Variants in TFG observed in about 807,000 individuals in gnomAD.
The protein encoded by TFG is trafficking from ER to golgi regulator.
Under a neutral mutation model 51.4 loss-of-function variants are expected in TFG, and 22 were observed. The observed-to-expected ratio is 0.43, with a 90% CI of 0.31 to 0.61. The LOEUF (loss-of-function observed/expected upper bound fraction) is 0.61. Among genes scored for constraint, TFG ranks in the 20% least tolerant of loss-of-function variants. The probability of loss-of-function intolerance (pLI) is 0.12; values close to 1 mark genes in which losing one functional copy is unlikely to be tolerated. For missense variants in TFG, 419 were observed against 487.7 expected (o/e 0.86, Z 1.33); for synonymous variants, 187 against 165.6 (o/e 1.13, Z -0.99).
chr3:100,734,750 TTG>T (rs2095101983), intron 5 of TFG, among the ~76,000 whole-genome samples: 1 of 152,202 alleles, frequency 6.6e-6, no homozygotes, highest in South Asian at 2.1e-4. Context: ...CAAAAGAGAA[TTG>T]TGTGAAAATT....
intron 1 of TFG, among the ~76,000 whole-genome samples, chr3:100,711,502 G>C (rs572477047): frequency 6.6e-6 from 1 of 152,336 alleles, no homozygotes; most frequent in African/African-American, 2.4e-5. Flanking sequence ...TCTTAATTAG[G>C]AGTGTGTCTG....
In TFG at chr3:100,744,825, G is replaced by T. The variant is rs41272979; in HGVS notation, c.722-8G>T. 14,964 of 1,598,458 alleles carry T rather than the reference G, an allele frequency of 9.4e-3. 329 individuals are homozygous for T. Among genetic ancestry groups the T allele is most frequent in the African/African-American group, 0.092 (6,846 of 74,490 alleles). ...TTTTTCCTTGTGTGTGTGTGTGTGT[G>T]TTTTCAGGTCAGATGTACCAACAGT... is the stretch of plus-strand genomic sequence containing the variant. On this transcript the variant is annotated splice_region_variant and splice_polypyrimidine_tract_variant and intron_variant, in intron 6 of 7. Transcript: ENST00000240851.
At chr3:100,712,825 A>C (rs565265876) in intron 1 of TFG, among the ~76,000 whole-genome samples, 2 of 152,322 alleles carry the variant, frequency 1.3e-5, no homozygotes, top group East Asian at 1.9e-4. Context: ...GTTAGGAAAG[A>C]TCTCTCTCAG....
chr3:100,746,534 A>G (rs748798297), intron 7 of TFG, among the ~76,000 whole-genome samples: 23 of 152,022 alleles, frequency 1.5e-4, no homozygotes, highest in Non-Finnish European at 2.9e-5. Context: ...CATAATTTCC[A>G]TATTTCCATT....
In TFG at chr3:100,718,847, C is replaced by T. The variant is rs115126937; in HGVS notation, c.185-1128C>T. Among the ~76,000 whole-genome samples the T allele has an allele frequency of 1.1e-3, 169 of 152,064 alleles. 1 individual carries two copies. Among genetic ancestry groups the T allele is most frequent in the African/African-American group, 3.9e-3 (162 of 41,486 alleles). On this transcript the variant is annotated intron_variant, in intron 2 of 7. Transcript: ENST00000240851. ...TGCTGGGATTACAGGTGTGAGCCAC[C>T]GCACTTGGCCAAAAAGTTTTTGATT...
At chr3:100,736,523 C>G (rs2095106732) in intron 5 of TFG, 53 bp from the exon 6 acceptor site, 1 of 1,584,402 alleles carries the variant, frequency 6.3e-7, no homozygotes, top group Admixed American at 1.7e-5. Context: ...CTTGAGCTTG[C>G]TGGGGGAAGG....
chr3:100,716,134 C>T (rs2095045235), intron 2 of TFG, among the ~76,000 whole-genome samples: 1 of 152,108 alleles, frequency 6.6e-6, no homozygotes, highest in Admixed American at 6.6e-5. Context: ...CTGTAGTCAT[C>T]CTATAGTGCT....
At chr3:100,717,403 G>A (rs1225972048) in intron 2 of TFG, among the ~76,000 whole-genome samples, 1 of 152,042 alleles carries the variant, frequency 6.6e-6, no homozygotes, top group Non-Finnish European at 1.5e-5. Flanking sequence ...ATGTAGTTCT[G>A]TACAAATTTT....
At chr3:100,738,821 T>G (rs2095113675) in intron 6 of TFG, among the ~76,000 whole-genome samples, 1 of 152,224 alleles carries the variant, frequency 6.6e-6, no homozygotes, top group African/African-American at 2.4e-5. Flanking sequence ...GTAGTTTTTC[T>G]ATTTAGCAGC....
At chr3:100,747,990 G>T (rs567336770) in intron 7 of TFG, among the ~76,000 whole-genome samples, 159 bp from the exon 8 acceptor site, 1 of 152,038 alleles carries the variant, frequency 6.6e-6, no homozygotes, top group Non-Finnish European at 1.5e-5. Context: ...TAACTACTTG[G>T]TCTTGAAATA....
At chr3:100,713,925 G>T in intron 2 of TFG, 56 bp downstream of exon 2, 3 of 901,238 alleles carry the variant, frequency 3.3e-6, no homozygotes, top group Non-Finnish European at 4.7e-6. Flanking sequence ...AAAAAAAAAA[G>T]ACAGAGCCTC....
intron 3 of TFG, among the ~76,000 whole-genome samples, chr3:100,722,683 C>T (rs2095064197): frequency 6.6e-6 from 1 of 152,080 alleles, no homozygotes; most frequent in Non-Finnish European, 1.5e-5. Flanking sequence ...TAGTAGACTT[C>T]TTCATAGTAA....
chr3:100,740,906 ATGG>A (rs2095119531), intron 6 of TFG, among the ~76,000 whole-genome samples: 1 of 152,300 alleles, frequency 6.6e-6, no homozygotes, highest in South Asian at 2.1e-4. Context: ...TGCATATATG[ATGG>A]TGGTCTCATA....
At chr3:100,710,416 CTAG>C (rs2095027289) in intron 1 of TFG, 1 of 152,338 alleles carries the variant, frequency 6.6e-6, no homozygotes, top group Non-Finnish European at 1.5e-5. Flanking sequence ...GATCACATAG[CTAG>C]TAGTGAGAAT....
At chr3:100,721,282 A>C (rs2095060112) in intron 3 of TFG, among the ~76,000 whole-genome samples, 1 of 152,066 alleles carries the variant, frequency 6.6e-6, no homozygotes, top group African/African-American at 2.4e-5. Flanking sequence ...CAGGGAACAA[A>C]AAAGTAGAGG....
chr3:100,712,976 G>C (rs1182967787), intron 1 of TFG, among the ~76,000 whole-genome samples: 2 of 152,248 alleles, frequency 1.3e-5, no homozygotes. Flanking sequence ...CCAGGGACTG[G>C]AGGCCAGATG....
intron 2 of TFG, among the ~76,000 whole-genome samples, chr3:100,718,067 G>A (rs572514786): frequency 3.3e-5 from 5 of 152,256 alleles, no homozygotes; most frequent in Non-Finnish European, 7.4e-5. Context: ...TGGGACTGCA[G>A]GCATGTGCCA....
chr3:100,718,553 T>G (rs59027223), intron 2 of TFG, among the ~76,000 whole-genome samples: 263 of 52,376 alleles, frequency 5.0e-3, no homozygotes, highest in African/African-American at 0.018. Context: ...TTCATGGTTT[T>G]TTTTTTTTTT....
At chr3:100,729,215 A>G (rs1273400539) in intron 4 of TFG, among the ~76,000 whole-genome samples, 2 of 152,212 alleles carry the variant, frequency 1.3e-5, no homozygotes, top group Non-Finnish European at 2.9e-5. Context: ...TTTTTAGTAT[A>G]ATAGATAAGT....
Sources: allele counts gnomAD v4.1 joint callset (sites outside exome capture counted in the v4.1 genomes callset), GRCh38; gene constraint gnomAD v4.1.1; transcripts MANE v1.5; gene names NCBI Gene and HGNC (gene_info 2026-07-23, HGNC 2026-07-21).